The following SHISA9 variants were observed in gnomAD, a reference collection of about 807,000 sequenced individuals.
SHISA9 encodes the protein protein shisa-9.
SHISA9 carries 13 observed loss-of-function variants against 38.0 expected under a neutral mutation model. The observed-to-expected ratio is 0.34, with a 90% CI of 0.22 to 0.54. SHISA9 has a LOEUF of 0.54. SHISA9 is among the 20% of genes least tolerant of loss of function. The probability of loss-of-function intolerance (pLI) is 0.91; values close to 1 mark genes in which losing one functional copy is unlikely to be tolerated. For missense variants in SHISA9, 538 were observed against 575.8 expected (o/e 0.93, Z 0.67); for synonymous variants, 275 against 242.0 (o/e 1.14, Z -1.27).
At chr16:13,402,008 T>TC in the SHISA9 span, among the ~76,000 whole-genome samples, 1 of 152,064 alleles carries the variant, frequency 6.6e-6, no homozygotes, top group Non-Finnish European at 1.5e-5. Flanking sequence ...CTCAATTACC[T>TC]CCCATCGGGT....
chr16:13,003,626 A>C (rs934596209), intron 2 of SHISA9, among the ~76,000 whole-genome samples: 12 of 152,062 alleles, frequency 7.9e-5, no homozygotes, highest in African/African-American at 2.7e-4. Flanking sequence ...GGGAGGCCAG[A>C]GTGGGTGGAT....
chr16:13,471,550 C>T, the SHISA9 span, among the ~76,000 whole-genome samples: 1 of 152,104 alleles, frequency 6.6e-6, no homozygotes, highest in African/African-American at 2.4e-5. Context: ...CACAACTCTC[C>T]CTCTTTGCTT....
the SHISA9 span, among the ~76,000 whole-genome samples, chr16:13,464,596 C>T: frequency 4.6e-5 from 7 of 152,126 alleles, no homozygotes; most frequent in Non-Finnish European, 1.0e-4. Flanking sequence ...GCTGAAATTG[C>T]CTCCCTCTTT....
chr16:12,960,698 T>A (rs1215237690), intron 2 of SHISA9, among the ~76,000 whole-genome samples: 1 of 152,208 alleles, frequency 6.6e-6, no homozygotes, highest in Non-Finnish European at 1.5e-5. Flanking sequence ...TTCTCACTTT[T>A]AAGTGGGAGC....
chr16:13,298,513 G>C, the SHISA9 span, among the ~76,000 whole-genome samples: 5 of 152,236 alleles, frequency 3.3e-5, no homozygotes, highest in African/African-American at 9.6e-5. Context: ...AATATATCTT[G>C]TTCTTATTGT....
At chr16:13,413,757 C>CAAAAAAA in the SHISA9 span, among the ~76,000 whole-genome samples, 1 of 52,894 alleles carries the variant, frequency 1.9e-5, no homozygotes, top group Non-Finnish European at 3.1e-5. Flanking sequence ...GACTTCATCT[C>CAAAAAAA]AAAAAAAAAA....
At chr16:13,103,376 T>C (rs1198622506) in intron 2 of SHISA9, among the ~76,000 whole-genome samples, 1 of 152,138 alleles carries the variant, frequency 6.6e-6, no homozygotes, top group Non-Finnish European at 1.5e-5. Flanking sequence ...TAGAGGGAAA[T>C]GATTATGTTT....
intron 1 of SHISA9, among the ~76,000 whole-genome samples, chr16:12,914,823 T>C (rs2071233360): frequency 6.6e-6 from 1 of 152,210 alleles, no homozygotes; most frequent in African/African-American, 2.4e-5. Flanking sequence ...ACTCCACCCC[T>C]GTAGTTTCTG....
At chr16:13,485,413 T>A in the SHISA9 span, among the ~76,000 whole-genome samples, 21 of 152,244 alleles carry the variant, frequency 1.4e-4, no homozygotes, top group African/African-American at 4.8e-4. Flanking sequence ...GGTGTATATA[T>A]GCCACATTTT....
At chr16:13,182,025 C>G (rs2050783510) in intron 2 of SHISA9, among the ~76,000 whole-genome samples, 1 of 152,110 alleles carries the variant, frequency 6.6e-6, no homozygotes, top group African/African-American at 2.4e-5. Flanking sequence ...AGAAATCGTG[C>G]CAGAGCCAAT....
the SHISA9 span, among the ~76,000 whole-genome samples, chr16:13,380,295 G>T: frequency 2.6e-5 from 4 of 152,042 alleles, no homozygotes; most frequent in Non-Finnish European, 4.4e-5. Context: ...ACAAAAAAGT[G>T]AAAAAAGCAG....
At chr16:13,439,243 T>A in the SHISA9 span, among the ~76,000 whole-genome samples, 7 of 152,014 alleles carry the variant, frequency 4.6e-5, no homozygotes, top group Non-Finnish European at 1.0e-4. Flanking sequence ...CGTGGGGAGA[T>A]GTTGATCAAA....
At chr16:13,086,335 C>G (rs796247623) in intron 2 of SHISA9, among the ~76,000 whole-genome samples, 5 of 65,260 alleles carry the variant, frequency 7.7e-5, no homozygotes, top group African/African-American at 3.3e-4. Flanking sequence ...AGCCTGATGA[C>G]AAAGCAAGAT....
the SHISA9 span, among the ~76,000 whole-genome samples, chr16:13,503,655 A>G: frequency 6.6e-6 from 1 of 150,578 alleles, no homozygotes; most frequent in Non-Finnish European, 1.5e-5. Flanking sequence ...GAAATAAGTC[A>G]CAGGGCCAGC....
the SHISA9 span, among the ~76,000 whole-genome samples, chr16:13,257,076 C>G: frequency 1.3e-5 from 2 of 152,176 alleles, no homozygotes; most frequent in African/African-American, 2.4e-5. Flanking sequence ...CAGAGACTCT[C>G]TGCCCATTTA....
At chr16:13,274,315 C>T in the SHISA9 span, among the ~76,000 whole-genome samples, 2 of 152,100 alleles carry the variant, frequency 1.3e-5, no homozygotes, top group African/African-American at 4.8e-5. Flanking sequence ...GGGTAAATTT[C>T]CAGTTGCTAT....
the SHISA9 span, among the ~76,000 whole-genome samples, chr16:13,288,588 G>T: frequency 6.6e-6 from 1 of 152,132 alleles, no homozygotes; most frequent in Non-Finnish European, 1.5e-5. Context: ...GAGGTCAGGA[G>T]ATCTAGACCA....
At chr16:13,164,114 T>C (rs1377204665) in intron 2 of SHISA9, among the ~76,000 whole-genome samples, 2 of 152,068 alleles carry the variant, frequency 1.3e-5, no homozygotes, top group Non-Finnish European at 2.9e-5. Context: ...GTGTTATCTA[T>C]AATATTTTTC....
chr16:13,559,100 T>C, the SHISA9 span, among the ~76,000 whole-genome samples: 1 of 152,196 alleles, frequency 6.6e-6, no homozygotes, highest in Non-Finnish European at 1.5e-5. Context: ...CCACTTTCTC[T>C]CTAGCTCCTA....
Sources: allele counts gnomAD v4.1 joint callset (sites outside exome capture counted in the v4.1 genomes callset), GRCh38; gene constraint gnomAD v4.1.1; transcripts MANE v1.5; gene names NCBI Gene and HGNC (gene_info 2026-07-23, HGNC 2026-07-21).